Variants in TMEM273 observed in about 807,000 individuals in gnomAD.
The protein encoded by TMEM273 is chromosome 10 open reading frame 128.
TMEM273 carries 19 observed loss-of-function variants against 17.9 expected under a neutral mutation model. The observed-to-expected ratio is 1.06, with a 90% confidence interval of 0.74 to 1.55. The LOEUF (loss-of-function observed/expected upper bound fraction) is 1.55, where lower values mean the gene tolerates loss of function less well. Among genes scored for constraint, TMEM273 ranks in the 40% most tolerant of loss-of-function variants. The probability of loss-of-function intolerance (pLI) is 0.00; values close to 1 mark genes in which losing one functional copy is unlikely to be tolerated. For synonymous variants in TMEM273, 66 were observed against 62.0 expected, an observed-to-expected ratio of 1.07 and a Z score of -0.31; for missense variants, 194 against 155.6, an observed-to-expected ratio of 1.25 and a Z score of -1.31.
At chr10:49,165,733 A>G in intron 4 of TMEM273, 33 bp downstream of exon 4, 2 of 1,613,158 alleles carry the variant, frequency 1.2e-6, no homozygotes, top group African/African-American at 1.3e-5. Context: ...AGAACACGAT[A>G]CCTCTCCCTG....
intron 5 of TMEM273, among the ~76,000 whole-genome samples, chr10:49,164,087 C>T (rs1019330480): frequency 6.6e-6 from 1 of 152,170 alleles, no homozygotes; most frequent in Non-Finnish European, 1.5e-5. Flanking sequence ...CAACCCAGAC[C>T]TCTGTCCTAA....
At chr10:49,178,396 C>T in intron 1 of TMEM273, 1 of 427,666 alleles carries the variant, frequency 2.3e-6, no homozygotes, top group Non-Finnish European at 4.7e-6. Context: ...CCCAGCAAGA[C>T]CAGATCTCTC....
rs149496798 is a variant in TMEM273 at position 49,165,253 on chromosome 10, G to C, written c.300C>G (p.Phe100Leu). 34 of 1,550,580 alleles carry C rather than the reference G, an allele frequency of 2.2e-5. No individual in the cohort carries two copies. Among genetic ancestry groups the C allele is most frequent in the Admixed American group, 2.0e-4 (10 of 51,006 alleles). Residue 100 changes from phenylalanine to leucine, a missense_variant, in exon 5 of 7, where the codon TTC becomes TTG. Phe to Leu is a conservative substitution (Grantham distance 22). Transcript: ENST00000374153. The stretch of plus-strand genomic sequence containing the variant: ...AGTGGTGACACTGAAGCAGGGATTT[G>C]AAGGAAAAGAGGGTCGAGGCTTGCA... The part of the protein sequence containing the change: ...RKLQASTLFS[F>L]KSLLQCHHCI...
intron 1 of TMEM273, among the ~76,000 whole-genome samples, chr10:49,186,110 G>GAAGAAGAAGAAGAAGAAGAATAAGAAGAA: frequency 1.2e-5 from 1 of 83,388 alleles, no homozygotes; most frequent in Non-Finnish European, 2.7e-5. Flanking sequence ...AAGAAGAAGA[G>GAAGAAGAAGAAGAAGAAGAATAAGAAGAA]GAAGAAGAAG....
intron 1 of TMEM273, among the ~76,000 whole-genome samples, chr10:49,173,411 C>T (rs1280105258): frequency 6.6e-6 from 1 of 152,204 alleles, no homozygotes; most frequent in Non-Finnish European, 1.5e-5. Flanking sequence ...ACAAGCTGGA[C>T]TGGGATGTGC....
intron 6 of TMEM273, among the ~76,000 whole-genome samples, chr10:49,158,495 T>C (rs944945734): frequency 6.6e-6 from 1 of 152,104 alleles, no homozygotes; most frequent in Non-Finnish European, 1.5e-5. Flanking sequence ...AAAATAAATA[T>C]GAAAGAATAG....
chr10:49,161,653 C>T (rs756088220), intron 5 of TMEM273, 31 bp from the exon 6 acceptor site: 2 of 1,614,130 alleles, frequency 1.2e-6, no homozygotes, highest in East Asian at 4.5e-5. Flanking sequence ...GTGTTCATTG[C>T]CTAAGCCTTA....
At chr10:49,158,121 A>G (rs575808428) in intron 6 of TMEM273, among the ~76,000 whole-genome samples, 107 of 152,348 alleles carry the variant, frequency 7.0e-4, no homozygotes, top group Non-Finnish European at 1.4e-3. Context: ...ATCTTATAAG[A>G]GTAAAATCTG....
intron 1 of TMEM273, among the ~76,000 whole-genome samples, chr10:49,175,776 C>T (rs1590230462): frequency 6.6e-6 from 1 of 152,198 alleles, no homozygotes; most frequent in Non-Finnish European, 1.5e-5. Flanking sequence ...GAGCACTGAG[C>T]CACACCTGGG....
At chr10:49,158,771 A>G (rs1471024031) in intron 6 of TMEM273, among the ~76,000 whole-genome samples, 1 of 152,226 alleles carries the variant, frequency 6.6e-6, no homozygotes, top group African/African-American at 2.4e-5. Flanking sequence ...ATAGTATCGG[A>G]ATAATTCAAT....
chr10:49,177,573 T>C (rs1313841107), intron 1 of TMEM273, among the ~76,000 whole-genome samples: 1 of 152,228 alleles, frequency 6.6e-6, no homozygotes, highest in Non-Finnish European at 1.5e-5. Flanking sequence ...GGAAGTGACG[T>C]GACCTCTTCA....
intron 3 of TMEM273, chr10:49,166,650 A>T: frequency 1.6e-6 from 1 of 607,670 alleles, no homozygotes. Context: ...AGAAAAAGGA[A>T]CACAAATAGA....
chr10:49,178,068 A>T, intron 1 of TMEM273: 1 of 403,040 alleles, frequency 2.5e-6, no homozygotes, highest in Non-Finnish European at 5.1e-6. Context: ...CCTGCCTCCA[A>T]CCCATCTGGG....
At chr10:49,166,774 T>C (rs9418839) in intron 3 of TMEM273, 95 bp downstream of exon 3, 559,524 of 1,561,688 alleles carry the variant, frequency 0.36, 101,822 homozygotes, top group South Asian at 0.46. Context: ...GGCTCTGCGC[T>C]TGTGGGTTCA....
chr10:49,180,558 A>G (rs191824141), intron 1 of TMEM273, among the ~76,000 whole-genome samples: 13 of 152,356 alleles, frequency 8.5e-5, no homozygotes, highest in Admixed American at 6.5e-4. Context: ...GAAGACGTCA[A>G]TAAGATTCAG....
chr10:49,167,836 T>C (rs1846294906), intron 2 of TMEM273, 73 bp downstream of exon 2: 2 of 1,583,232 alleles, frequency 1.3e-6, no homozygotes, highest in Non-Finnish European at 8.7e-7. Context: ...ACTGCGGCCC[T>C]CTGCTTGCTT....
chr10:49,183,765 C>A (rs1847497445), intron 1 of TMEM273, among the ~76,000 whole-genome samples: 1 of 152,104 alleles, frequency 6.6e-6, no homozygotes, highest in Non-Finnish European at 1.5e-5. Context: ...ACAGGGTCCA[C>A]GTGGGAGTGC....
chr10:49,172,444 C>T (rs149311553), intron 1 of TMEM273, among the ~76,000 whole-genome samples: 1 of 152,168 alleles, frequency 6.6e-6, no homozygotes, highest in African/African-American at 2.4e-5. Context: ...GCATGGCCTG[C>T]CTTCCTCTCC....
chr10:49,156,587 T>C (rs1006239446), intron 6 of TMEM273, among the ~76,000 whole-genome samples: 1 of 152,236 alleles, frequency 6.6e-6, no homozygotes, highest in African/African-American at 2.4e-5. Context: ...TAGAATGGTA[T>C]ATATGCTTAC....
Sources: gnomAD v4.1 joint callset for allele counts (sites outside exome capture counted in the v4.1 genomes callset) on GRCh38, gnomAD v4.1.1 for gene constraint, MANE v1.5 for transcripts, NCBI Gene and HGNC (gene_info 2026-07-23, HGNC 2026-07-21) for gene names.